GAB1: variants seen among roughly 807,000 people sequenced by gnomAD.
GAB1 encodes the protein GRB2-associated-binding protein 1.
A neutral mutation model predicts 66.5 loss-of-function variants in GAB1; 19 were observed. That is an observed-to-expected ratio of 0.29 (90% confidence interval 0.20 to 0.42). The LOEUF (loss-of-function observed/expected upper bound fraction) is 0.42, where lower values mean the gene tolerates loss of function less well. Among genes scored for constraint, GAB1 ranks in the 10% least tolerant of loss-of-function variants. The probability of loss-of-function intolerance (pLI) is 1.00; values close to 1 mark genes in which losing one functional copy is unlikely to be tolerated. For synonymous variants in GAB1, 294 were observed against 301.4 expected (o/e 0.98, Z 0.25); for missense variants, 732 against 858.5 (o/e 0.85, Z 1.84).
intron 1 of GAB1, among the ~76,000 whole-genome samples, chr4:143,352,702 A>T (rs1346065034): frequency 6.6e-6 from 1 of 152,214 alleles, no homozygotes; most frequent in South Asian, 2.1e-4. Context: ...GATGGTCCTT[A>T]GGTTATTCTT....
In GAB1 at chr4:143,433,981, TC is replaced by T; in HGVS notation, c.593+267del. The T allele has an allele frequency of 7.4e-6, 5 of 672,656 alleles. No homozygotes were observed. In the South Asian group the frequency reaches 9.7e-5, roughly 13 times the overall value. 41.7% of individuals were successfully genotyped at this position (672,656 alleles called of 1,614,324 possible). ...TACAAGGCTCTTTTGGAAATCTGTC[TC>T]CTATTTTGTAGTCTTTGTTACAGAC... On this transcript the variant is annotated intron_variant, in intron 3 of 9. Transcript: ENST00000262994.
chr4:143,337,038 C>T lies in GAB1; in HGVS notation c.-151C>T. On this transcript the variant is annotated 5_prime_UTR_variant, in exon 1 of 10. Transcript: ENST00000262994. Reference sequence around the variant, plus strand: ...GAGAGACTCGAACTCGTGGAACCCGCGCACCGTGGAGTCTGTCCGCCCAGT... The same window carrying T: ...GAGAGACTCGAACTCGTGGAACCCGTGCACCGTGGAGTCTGTCCGCCCAGT... The T allele has an allele frequency of 3.1e-6, 2 of 647,996 alleles. No homozygotes were observed. The highest frequency in any genetic ancestry group is 2.9e-5 in the East Asian group (1 of 33,924). 40.1% of individuals were successfully genotyped at this position (647,996 alleles called of 1,614,324 possible).
At chr4:143,368,949 C>T (rs1560722769) in intron 1 of GAB1, among the ~76,000 whole-genome samples, 1 of 151,812 alleles carries the variant, frequency 6.6e-6, no homozygotes, top group Non-Finnish European at 1.5e-5. Flanking sequence ...CACACCCGGC[C>T]AATTTTTTGA....
chr4:143,407,954 A>ATG (rs1732147840), intron 1 of GAB1, among the ~76,000 whole-genome samples: 1 of 152,196 alleles, frequency 6.6e-6, no homozygotes, highest in African/African-American at 2.4e-5. Context: ...CATTTACTGC[A>ATG]TGGTTTTTAG....
chr4:143,348,995 T>C (rs1243301747), intron 1 of GAB1, among the ~76,000 whole-genome samples: 1 of 152,182 alleles, frequency 6.6e-6, no homozygotes, highest in African/African-American at 2.4e-5. Context: ...CACACAGACA[T>C]ACTGTGCTGG....
intron 1 of GAB1, among the ~76,000 whole-genome samples, chr4:143,374,638 G>C (rs1371066542): frequency 6.6e-6 from 1 of 152,116 alleles, no homozygotes; most frequent in Admixed American, 6.5e-5. Flanking sequence ...GCTATCACAG[G>C]GTTCACATGG....
At chr4:143,457,988 G>T (rs142294412) in intron 6 of GAB1, among the ~76,000 whole-genome samples, 1 of 152,204 alleles carries the variant, frequency 6.6e-6, no homozygotes, top group Non-Finnish European at 1.5e-5. Flanking sequence ...GATAATATGT[G>T]ATATTCAGAC....
chr4:143,343,498 A>G (rs923434602), intron 1 of GAB1: 3 of 154,900 alleles, frequency 1.9e-5, no homozygotes, highest in Admixed American at 6.5e-5. Flanking sequence ...TGTTGACTGA[A>G]TAATAAACAG....
intron 1 of GAB1, among the ~76,000 whole-genome samples, chr4:143,389,990 AAAG>A (rs1731105719): frequency 6.6e-6 from 1 of 152,196 alleles, no homozygotes; most frequent in South Asian, 2.1e-4. Context: ...CATATTACTA[AAAG>A]AAGAACCCTA....
chr4:143,435,111 T>A (rs1733877864), intron 3 of GAB1, among the ~76,000 whole-genome samples: 1 of 152,182 alleles, frequency 6.6e-6, no homozygotes, highest in Admixed American at 6.5e-5. Flanking sequence ...TGGAAAATGA[T>A]TATTACTGGG....
chr4:143,406,093 ATT>A (rs1323265630), intron 1 of GAB1, among the ~76,000 whole-genome samples: 1 of 152,094 alleles, frequency 6.6e-6, no homozygotes, highest in African/African-American at 2.4e-5. Flanking sequence ...GGACTGAGCC[ATT>A]TTCTAGGATG....
At chr4:143,403,970 T>C (rs1041195798) in intron 1 of GAB1, among the ~76,000 whole-genome samples, 1 of 152,208 alleles carries the variant, frequency 6.6e-6, no homozygotes. Flanking sequence ...TTATGGAAAT[T>C]TGAAATTTGA....
At chr4:143,364,938 C>T (rs1230907780) in intron 1 of GAB1, among the ~76,000 whole-genome samples, 5 of 131,280 alleles carry the variant, frequency 3.8e-5, no homozygotes, top group Non-Finnish European at 7.6e-5. Context: ...AGTGCAGTGG[C>T]GCTATCTCGG....
intron 1 of GAB1, among the ~76,000 whole-genome samples, chr4:143,398,121 C>G (rs1313620482): frequency 6.6e-6 from 1 of 152,152 alleles, no homozygotes; most frequent in African/African-American, 2.4e-5. Flanking sequence ...TCAGACTACT[C>G]TCTTTCCTCC....
intron 2 of GAB1, among the ~76,000 whole-genome samples, chr4:143,432,212 G>C (rs1733694933): frequency 6.6e-6 from 1 of 152,190 alleles, no homozygotes. Context: ...CCTGATCCCT[G>C]GGAGTGACGG....
At chr4:143,443,267 C>T (rs374128564) in intron 6 of GAB1, among the ~76,000 whole-genome samples, 1 of 152,046 alleles carries the variant, frequency 6.6e-6, no homozygotes, top group Non-Finnish European at 1.5e-5. Flanking sequence ...CTACCTGCCT[C>T]GGCCTTCCAA....
chr4:143,455,089 T>C (rs1431174375), intron 6 of GAB1, among the ~76,000 whole-genome samples: 2 of 152,296 alleles, frequency 1.3e-5, no homozygotes, highest in African/African-American at 2.4e-5. Flanking sequence ...TGACCTTGAC[T>C]CCCTGCTCCT....
intron 1 of GAB1, chr4:143,376,858 T>C (rs1730441980): frequency 1.3e-5 from 2 of 152,220 alleles, no homozygotes; most frequent in African/African-American, 4.8e-5. Flanking sequence ...CTGAGACGCA[T>C]TGGGACTGAA....
chr4:143,465,376 GTTA>G (rs1735728237), intron 8 of GAB1, among the ~76,000 whole-genome samples: 1 of 151,872 alleles, frequency 6.6e-6, no homozygotes, highest in Non-Finnish European at 1.5e-5. Context: ...ATCTGAAATG[GTTA>G]TTTACAAATT....
Sources: allele counts gnomAD v4.1 joint callset (sites outside exome capture counted in the v4.1 genomes callset), GRCh38; gene constraint gnomAD v4.1.1; transcripts MANE v1.5; gene names NCBI Gene and HGNC (gene_info 2026-07-23, HGNC 2026-07-21).